Variants in NRCAM observed in about 807,000 individuals in gnomAD.
NRCAM encodes neuronal cell adhesion molecule, also known as NgCAM-related cell adhesion molecule.
Under a neutral mutation model 156.5 loss-of-function variants are expected in NRCAM, and 83 were observed. The observed-to-expected ratio is 0.53, with a 90% CI of 0.44 to 0.64. The LOEUF is 0.64. Ranked by LOEUF, NRCAM falls within the 30% of genes least tolerant of loss-of-function variation. NRCAM has a pLI of 0.00. For missense variants in NRCAM, 1,417 were observed against 1,597.3 expected, an observed-to-expected ratio of 0.89 and a Z score of 1.92; for synonymous variants, 538 against 563.9, an observed-to-expected ratio of 0.95 and a Z score of 0.65.
chr7:108,244,812 T>C (rs1003988252), intron 3 of NRCAM, among the ~76,000 whole-genome samples: 29 of 152,106 alleles, frequency 1.9e-4, no homozygotes, highest in African/African-American at 6.8e-4. Flanking sequence ...TGGTGAACAA[T>C]AAACAGGTGG....
intron 3 of NRCAM, among the ~76,000 whole-genome samples, chr7:108,279,400 G>A (rs1345323022): frequency 5.9e-5 from 9 of 152,050 alleles, no homozygotes. Flanking sequence ...TATTCTCAAA[G>A]TACAAAATAT....
At chr7:108,330,419 T>A (rs752170821) in intron 2 of NRCAM, among the ~76,000 whole-genome samples, 12 of 152,252 alleles carry the variant, frequency 7.9e-5, no homozygotes, top group Middle Eastern at 3.4e-3. Flanking sequence ...CCGAGCCTAA[T>A]CAGAATTATT....
At chr7:108,197,821 T>C in intron 14 of NRCAM, 135 bp downstream of exon 14, 1 of 563,408 alleles carries the variant, frequency 1.8e-6, no homozygotes. Flanking sequence ...AAGGTTTATA[T>C]CTTATCCATC....
intron 2 of NRCAM, among the ~76,000 whole-genome samples, chr7:108,368,977 A>C (rs2099611791): frequency 6.6e-6 from 1 of 152,210 alleles, no homozygotes; most frequent in Non-Finnish European, 1.5e-5. Flanking sequence ...TAATTTAGAC[A>C]TGACTTGAGC....
rs147975244 is a variant in NRCAM, at chr7:108,213,031, AT to A, written c.891-3427del. 5.5e-3 allele frequency among the ~76,000 whole-genome samples: 845 copies of A among 152,326 alleles called. 8 individuals carry two copies. The highest frequency in any genetic ancestry group is 0.019 in the African/African-American group (800 of 41,586). On this transcript the variant is annotated intron_variant, in intron 11 of 32. Transcript: ENST00000379028. Reference sequence around the variant, plus strand: ...TAACCTATAAAGGAACACCTATCAGATTAACAGCAGAGTTCTCAGCAGAAAT... The same window carrying A: ...TAACCTATAAAGGAACACCTATCAGATAACAGCAGAGTTCTCAGCAGAAAT...
intron 11 of NRCAM, among the ~76,000 whole-genome samples, chr7:108,214,654 T>A (rs1032636974): frequency 1.3e-5 from 2 of 152,150 alleles, no homozygotes; most frequent in African/African-American, 2.4e-5. Context: ...GCTTTTGAAT[T>A]TGTTTCGGTT....
Position 108,398,800 on chromosome 7 carries a change from T to C in NRCAM, c.-174+636A>G, listed in dbSNP as rs184138783. Among the ~76,000 whole-genome samples, 5 of 152,360 alleles carry C rather than the reference T, an allele frequency of 3.3e-5. No homozygotes were observed. The East Asian group carries it at 7.7e-4, about 24-fold the overall frequency. On this transcript the variant is annotated intron_variant, in intron 2 of 32. Transcript: ENST00000379028. ...TATAGAAGTTGGTCATATCTATTTATGTGCCTGTCTCTTGCATTTGGCAGA... is the reference window on the plus strand; with the variant it reads ...TATAGAAGTTGGTCATATCTATTTACGTGCCTGTCTCTTGCATTTGGCAGA...
intron 2 of NRCAM, among the ~76,000 whole-genome samples, chr7:108,327,337 T>C (rs764166269): frequency 6.6e-6 from 1 of 152,232 alleles, no homozygotes; most frequent in Non-Finnish European, 1.5e-5. Flanking sequence ...GTGCAAACTA[T>C]AAAGCACTAT....
Position 108,178,029 on chromosome 7 carries a change from TC to T in NRCAM, c.2934del (p.Asn979MetfsTer4), listed in dbSNP as rs2078816714. 6.2e-7 allele frequency: 1 copy of T among 1,613,488 alleles called. No homozygotes were observed. ...LTLEWDPPSH[P>X]NGILTEYTLK... The stretch of plus-strand genomic sequence containing the variant: ...AAGGTGTACTCTGTCAAAATGCCAT[TC>T]GGGTGGCTCGGTGGATCCCATTCCA... On this transcript the variant is annotated frameshift_variant, in exon 26 of 33. Coordinates refer to ENST00000379028, the MANE Select transcript of NRCAM (RefSeq NM_001037132.4). LOFTEE classifies it high-confidence loss of function.
intron 11 of NRCAM, among the ~76,000 whole-genome samples, chr7:108,211,052 ACT>A (rs1478353343): frequency 6.6e-6 from 1 of 152,170 alleles, no homozygotes; most frequent in Non-Finnish European, 1.5e-5. Flanking sequence ...GGACTCACAG[ACT>A]CTCTGAAGGA....
intron 9 of NRCAM, among the ~76,000 whole-genome samples, 176 bp from the exon 10 acceptor site, chr7:108,225,877 C>T (rs961618825): frequency 6.6e-6 from 1 of 152,136 alleles, no homozygotes; most frequent in African/African-American, 2.4e-5. Context: ...GCCACCCCCA[C>T]CAGGAATATG....
intron 20 of NRCAM, among the ~76,000 whole-genome samples, chr7:108,187,245 C>T (rs2067450811): frequency 6.6e-6 from 1 of 152,158 alleles, no homozygotes; most frequent in East Asian, 1.9e-4. Context: ...GCCTACAGGA[C>T]CTTGCACAAT....
At chr7:108,390,653 A>C (rs1490023958) in intron 2 of NRCAM, among the ~76,000 whole-genome samples, 2 of 151,902 alleles carry the variant, frequency 1.3e-5, no homozygotes, top group Non-Finnish European at 2.9e-5. Flanking sequence ...TAGATCTTTT[A>C]ATTGTGATGT....
intron 3 of NRCAM, among the ~76,000 whole-genome samples, chr7:108,294,916 A>G (rs1484453240): frequency 3.3e-5 from 5 of 152,146 alleles, no homozygotes; most frequent in Admixed American, 6.6e-5. Context: ...CTTCTGGCTC[A>G]TTATTACATT....
rs144732802 is a variant in NRCAM at position 108,259,589 on chromosome 7, A to T, written c.-106-19419T>A. On this transcript the variant is annotated intron_variant, in intron 3 of 32. Transcript: ENST00000379028. Reference sequence around the variant, plus strand: ...TTCACAATAGCAAGGAGATGGAATCAACCCAAATGTCCATCAGTGATAGAT... The same window carrying T: ...TTCACAATAGCAAGGAGATGGAATCTACCCAAATGTCCATCAGTGATAGAT... 1.4e-4 allele frequency among the ~76,000 whole-genome samples: 22 copies of T among 152,368 alleles called. No individual in the cohort carries two copies. In the East Asian group the frequency reaches 4.2e-3, roughly 29 times the overall value.
At chr7:108,404,828 G>A (rs1341996158) in intron 1 of NRCAM, among the ~76,000 whole-genome samples, 1 of 152,208 alleles carries the variant, frequency 6.6e-6, no homozygotes, top group African/African-American at 2.4e-5. Flanking sequence ...CCCGAATGTG[G>A]AGGAAGTTGT....
At chr7:108,266,763 C>T (rs577756612) in intron 3 of NRCAM, among the ~76,000 whole-genome samples, 15 of 152,290 alleles carry the variant, frequency 9.8e-5, no homozygotes, top group Admixed American at 4.6e-4. Flanking sequence ...CTGATCCATA[C>T]GCCACACTTC....
intron 2 of NRCAM, among the ~76,000 whole-genome samples, chr7:108,319,746 G>A (rs1015812498): frequency 6.6e-6 from 1 of 152,188 alleles, no homozygotes; most frequent in Admixed American, 6.5e-5. Flanking sequence ...GGGAAGGAAA[G>A]ATGTGTTACA....
At chr7:108,256,433 G>C (rs368784766) in intron 3 of NRCAM, among the ~76,000 whole-genome samples, 179 of 146,858 alleles carry the variant, frequency 1.2e-3, no homozygotes, top group African/African-American at 4.3e-3. Flanking sequence ...CAGCATGCTC[G>C]TTAAGAGTCA....
Sources: allele counts gnomAD v4.1 joint callset (sites outside exome capture counted in the v4.1 genomes callset), GRCh38; gene constraint gnomAD v4.1.1; transcripts MANE v1.5; gene names NCBI Gene and HGNC (gene_info 2026-07-23, HGNC 2026-07-21).